The following CBLB variants were observed in gnomAD, a reference collection of about 807,000 sequenced individuals.
CBLB encodes Cbl proto-oncogene B, also known as E3 ubiquitin-protein ligase CBL-B.
Under a neutral mutation model 104.9 loss-of-function variants are expected in CBLB, and 31 were observed. That is an observed-to-expected ratio of 0.30 (90% CI 0.22 to 0.40). The LOEUF (loss-of-function observed/expected upper bound fraction) is 0.40, where lower values mean the gene tolerates loss of function less well. Among genes scored for constraint, CBLB ranks in the 10% least tolerant of loss-of-function variants. The pLI is 1.00. For synonymous variants in CBLB, 440 were observed against 422.6 expected (o/e 1.04, Z -0.51); for missense variants, 1,062 against 1,214.6 (o/e 0.87, Z 1.87).
At chr3:105,863,714 G>A (rs1009074049) in intron 2 of CBLB, among the ~76,000 whole-genome samples, 1 of 152,036 alleles carries the variant, frequency 6.6e-6, no homozygotes, top group Non-Finnish European at 1.5e-5. Flanking sequence ...AATAGACTGA[G>A]GGCAAAAGGC....
intron 2 of CBLB, among the ~76,000 whole-genome samples, chr3:105,857,548 T>C (rs956669333): frequency 1.3e-5 from 2 of 152,210 alleles, no homozygotes; most frequent in African/African-American, 4.8e-5. Flanking sequence ...TAAGGGACCA[T>C]TAAAATATCA....
intron 18 of CBLB, among the ~76,000 whole-genome samples, 157 bp downstream of exon 18, chr3:105,670,075 AC>A (rs1046603694): frequency 1.3e-5 from 2 of 152,132 alleles, no homozygotes; most frequent in African/African-American, 4.8e-5. Flanking sequence ...CATTCCTCTC[AC>A]AATGCCAGCT....
chr3:105,702,066 T>C (rs1038406195), intron 12 of CBLB, 28 bp downstream of exon 12: 1 of 1,613,532 alleles, frequency 6.2e-7, no homozygotes, highest in Admixed American at 1.7e-5. Context: ...AAGCAGATTC[T>C]CTAGCTTCTG....
chr3:105,853,090 T>A (rs1429945984), intron 3 of CBLB, among the ~76,000 whole-genome samples: 2 of 152,216 alleles, frequency 1.3e-5, no homozygotes, highest in Non-Finnish European at 2.9e-5. Flanking sequence ...ACCATTGTGT[T>A]ACAACTGCCC....
intron 3 of CBLB, among the ~76,000 whole-genome samples, chr3:105,807,468 T>G (rs1370165453): frequency 6.6e-6 from 1 of 152,202 alleles, no homozygotes; most frequent in East Asian, 1.9e-4. Flanking sequence ...GAGAATCTGG[T>G]ATGTGTCCAG....
intron 3 of CBLB, among the ~76,000 whole-genome samples, chr3:105,801,149 G>A (rs1225855782): frequency 6.6e-6 from 1 of 152,068 alleles, no homozygotes; most frequent in Non-Finnish European, 1.5e-5. Flanking sequence ...CCCTTACTGT[G>A]GGCTGAAATA....
intron 17 of CBLB, among the ~76,000 whole-genome samples, chr3:105,677,093 G>T (rs2065736256): frequency 6.6e-6 from 1 of 151,996 alleles, no homozygotes; most frequent in African/African-American, 2.4e-5. Flanking sequence ...CTTCCTGCTT[G>T]GACCGGAATG....
intron 13 of CBLB, among the ~76,000 whole-genome samples, 188 bp from the exon 14 acceptor site, chr3:105,685,654 C>T (rs756701558): frequency 2.0e-4 from 31 of 152,050 alleles, no homozygotes; most frequent in Non-Finnish European, 4.4e-4. Flanking sequence ...TTTGTTAAGA[C>T]CCTTGATGGG....
At chr3:105,741,621 T>G (rs1314444224) in intron 6 of CBLB, among the ~76,000 whole-genome samples, 1 of 152,180 alleles carries the variant, frequency 6.6e-6, no homozygotes, top group Non-Finnish European at 1.5e-5. Context: ...GGTCTCGATC[T>G]CCTGACCTGG....
intron 18 of CBLB, among the ~76,000 whole-genome samples, chr3:105,661,245 T>G (rs1376753654): frequency 6.6e-6 from 1 of 152,242 alleles, no homozygotes; most frequent in Admixed American, 6.5e-5. Context: ...ATATCTGTAC[T>G]GTTTCTTGCA....
chr3:105,683,849 T>TA (rs1407639902), intron 14 of CBLB, among the ~76,000 whole-genome samples: 1 of 152,126 alleles, frequency 6.6e-6, no homozygotes, highest in Non-Finnish European at 1.5e-5. Flanking sequence ...TTTAAAAAAA[T>TA]AAAGTCCTGC....
chr3:105,812,735 G>T (rs1223967005), intron 3 of CBLB, among the ~76,000 whole-genome samples: 3 of 152,146 alleles, frequency 2.0e-5, no homozygotes, highest in Non-Finnish European at 4.4e-5. Flanking sequence ...TTTAGATGTG[G>T]TATCTATCAG....
At chr3:105,750,961 T>A (rs2076542209) in intron 5 of CBLB, among the ~76,000 whole-genome samples, 1 of 152,236 alleles carries the variant, frequency 6.6e-6, no homozygotes, top group South Asian at 2.1e-4. Flanking sequence ...CATGGTTGAA[T>A]GTGCAAAGCA....
chr3:105,710,603 A>G (rs1213717898), intron 10 of CBLB, among the ~76,000 whole-genome samples: 1 of 151,900 alleles, frequency 6.6e-6, no homozygotes, highest in Non-Finnish European at 1.5e-5. Context: ...TTCCAAATCC[A>G]AAGGCTGAGC....
chr3:105,822,842 T>G (rs979868523), intron 3 of CBLB, among the ~76,000 whole-genome samples: 3 of 152,230 alleles, frequency 2.0e-5, no homozygotes, highest in Non-Finnish European at 4.4e-5. Context: ...CTGCTCTCTG[T>G]AACTTCACTG....
rs1172179128 is a variant in CBLB, at chr3:105,690,251, GA to G, written c.2054+3242del. ...CGTAATTTTGCTTTGGCCTGATTTT[GA>G]AACATATACCAAGAGTCTAAGATGG... On this transcript the variant is annotated intron_variant, in intron 13 of 18. Transcript: ENST00000394030. Among the ~76,000 whole-genome samples the G allele has an allele frequency of 1.2e-4, 19 of 152,078 alleles. 1 individual carries two copies. Among genetic ancestry groups the G allele is most frequent in the African/African-American group, 3.9e-4 (16 of 41,384 alleles).
intron 9 of CBLB, among the ~76,000 whole-genome samples, chr3:105,733,706 A>G (rs1250418831): frequency 2.0e-5 from 3 of 152,174 alleles, no homozygotes; most frequent in Non-Finnish European, 4.4e-5. Context: ...ACAGATTCTG[A>G]CCTATCAATA....
rs1371595138 is a variant in CBLB at position 105,657,720 on chromosome 3, AC to A, written c.*1249del. The A allele has an allele frequency of 4.9e-6, 1 of 204,110 alleles. No homozygotes were observed. The highest frequency in any genetic ancestry group is 7.5e-5 in the East Asian group (1 of 13,286). 12.6% of individuals were successfully genotyped at this position (204,110 alleles called of 1,614,324 possible). ...ACCATTTTGTAAAATAGGCAAAACTACATTAATTTCTTTCACCTGATTTGAT... is the reference window on the plus strand; with the variant it reads ...ACCATTTTGTAAAATAGGCAAAACTAATTAATTTCTTTCACCTGATTTGAT... On this transcript the variant is annotated 3_prime_UTR_variant, in exon 19 of 19. Coordinates refer to ENST00000394030, the MANE Select transcript of CBLB (RefSeq NM_170662.5).
At chr3:105,819,626 T>A (rs967790552) in intron 3 of CBLB, among the ~76,000 whole-genome samples, 2 of 152,238 alleles carry the variant, frequency 1.3e-5, no homozygotes, top group African/African-American at 4.8e-5. Context: ...CTCTCATTTC[T>A]ACAAATGTGA....
Sources: gnomAD v4.1 joint callset for allele counts (sites outside exome capture counted in the v4.1 genomes callset) on GRCh38, gnomAD v4.1.1 for gene constraint, MANE v1.5 for transcripts, NCBI Gene and HGNC (gene_info 2026-07-23, HGNC 2026-07-21) for gene names.